The following EYS variants were observed in gnomAD, a reference collection of about 807,000 sequenced individuals.
EYS encodes the protein EGF-like photoreceptor maintenance factor, also known as protein eyes shut homolog.
In EYS, 250 loss-of-function variants were observed where a neutral mutation model predicts 282.1. The observed-to-expected ratio is 0.89, with a 90% CI of 0.80 to 0.98. The LOEUF is 0.98. EYS is among the 50% of genes least tolerant of loss of function. EYS has a pLI of 0.00. For missense variants in EYS, 4,016 were observed against 3,709.0 expected (o/e 1.08, Z -2.15); for synonymous variants, 1,355 against 1,282.9 (o/e 1.06, Z -1.20).
chr6:65,112,056 G>A (rs758156657), intron 12 of EYS, among the ~76,000 whole-genome samples: 27 of 152,016 alleles, frequency 1.8e-4, no homozygotes, highest in Non-Finnish European at 3.4e-4. Context: ...CTTGCCAAAC[G>A]CAGGCCCAGA....
chr6:65,269,356 A>T (rs1419287182), intron 12 of EYS, among the ~76,000 whole-genome samples: 2 of 152,172 alleles, frequency 1.3e-5, no homozygotes, highest in Non-Finnish European at 2.9e-5. Flanking sequence ...TGGATTTAAA[A>T]GGGAGCAACC....
intron 8 of EYS, among the ~76,000 whole-genome samples, chr6:65,382,445 G>A (rs968126451): frequency 8.2e-6 from 1 of 121,304 alleles, no homozygotes; most frequent in Non-Finnish European, 1.8e-5. Flanking sequence ...TATCTTTGAA[G>A]TCTCCTTTCC....
intron 30 of EYS, among the ~76,000 whole-genome samples, chr6:64,245,345 G>A (rs1766978404): frequency 7.6e-6 from 1 of 132,054 alleles, no homozygotes; most frequent in South Asian, 2.4e-4. Context: ...TTTGTTTTTT[G>A]GCAGCATCTT....
intron 12 of EYS, among the ~76,000 whole-genome samples, chr6:65,266,221 T>A (rs1431847325): frequency 6.6e-6 from 1 of 151,918 alleles, no homozygotes; most frequent in Non-Finnish European, 1.5e-5. Flanking sequence ...TCATTCTAGT[T>A]ATTGCAACAC....
intron 26 of EYS, among the ~76,000 whole-genome samples, chr6:64,527,857 C>A (rs1777972921): frequency 6.6e-6 from 1 of 151,356 alleles, no homozygotes; most frequent in Non-Finnish European, 1.5e-5. Context: ...AATGTAAAGA[C>A]AAGGGAAAAA....
intron 26 of EYS, among the ~76,000 whole-genome samples, chr6:64,546,851 A>G (rs1424711466): frequency 6.6e-6 from 1 of 152,188 alleles, no homozygotes; most frequent in African/African-American, 2.4e-5. Context: ...TAGAATGGCG[A>G]TCATTAAAAA....
At chr6:64,079,412 A>T (rs1771883931) in intron 32 of EYS, among the ~76,000 whole-genome samples, 2 of 152,086 alleles carry the variant, frequency 1.3e-5, no homozygotes, top group Non-Finnish European at 2.9e-5. Context: ...TGCTTCTTTT[A>T]GGCATTTTAC....
At chr6:64,082,628 T>G (rs1358265119) in intron 31 of EYS, among the ~76,000 whole-genome samples, 1 of 152,196 alleles carries the variant, frequency 6.6e-6, no homozygotes, top group Non-Finnish European at 1.5e-5. Flanking sequence ...AGAGGAATTT[T>G]ATTAATGTTC....
chr6:65,644,374 G>A (rs1767382882), intron 1 of EYS, among the ~76,000 whole-genome samples: 1 of 152,104 alleles, frequency 6.6e-6, no homozygotes, highest in South Asian at 2.1e-4. Context: ...AGACAAAAAA[G>A]TAATAAATAA....
chr6:64,436,164 A>G lies in EYS; in HGVS notation c.5927+10T>C, dbSNP rs778163566. 2.3e-5 allele frequency: 33 copies of G among 1,442,982 alleles called. No individual in the cohort carries two copies. The African/African-American group carries it at 4.4e-4, about 19-fold the overall frequency. The allele number at this position is 1,442,982 out of a possible 1,614,324, so 89.4% of individuals were successfully genotyped here. ...AATGAGATTAACTGGAAAAGAAATA[A>G]TTATCTTACCTGATAAGCAGTGTAT... On this transcript the variant is annotated intron_variant, in intron 28 of 42. Transcript: ENST00000503581.
intron 1 of EYS, among the ~76,000 whole-genome samples, chr6:65,680,299 T>C (rs1029638015): frequency 3.4e-4 from 52 of 151,936 alleles, no homozygotes; most frequent in Admixed American, 3.4e-3. Flanking sequence ...CTTAACAATA[T>C]GAACTAGATT....
intron 26 of EYS, among the ~76,000 whole-genome samples, chr6:64,555,560 A>G (rs1765210304): frequency 6.6e-6 from 1 of 151,988 alleles, no homozygotes; most frequent in Non-Finnish European, 1.5e-5. Context: ...CCATTCCACA[A>G]TGTAGAAATA....
At chr6:65,350,237 AGAACAATATACT>A (rs1770547859) in intron 9 of EYS, among the ~76,000 whole-genome samples, 1 of 151,538 alleles carries the variant, frequency 6.6e-6, no homozygotes, top group Admixed American at 6.6e-5. Flanking sequence ...ACTTGAAGGT[AGAACAATATACT>A]AAGAAAAATA....
chr6:64,449,227 A>G (rs113783671), intron 26 of EYS, among the ~76,000 whole-genome samples: 55,968 of 151,860 alleles, frequency 0.37, 11,039 homozygotes, highest in African/African-American at 0.52. Flanking sequence ...CTCAGTAACC[A>G]ATGCAATCAA....
intron 30 of EYS, among the ~76,000 whole-genome samples, chr6:64,257,558 G>A (rs1271611592): frequency 1.1e-4 from 16 of 151,902 alleles, no homozygotes; most frequent in Non-Finnish European, 2.9e-5. Flanking sequence ...TATAAAGGCA[G>A]GGCCTATGAC....
At chr6:65,268,806 T>A (rs1322704218) in intron 12 of EYS, among the ~76,000 whole-genome samples, 2 of 74,606 alleles carry the variant, frequency 2.7e-5, no homozygotes, top group Admixed American at 1.6e-4. Context: ...TCAACATAAG[T>A]TTTTTTTTAA....
chr6:65,307,533 T>A (rs1490133104), intron 11 of EYS, among the ~76,000 whole-genome samples: 2 of 145,680 alleles, frequency 1.4e-5, no homozygotes, highest in Admixed American at 7.1e-5. Flanking sequence ...TTCTATCACA[T>A]TGAGAAGTGA....
chr6:64,201,252 CCAG>C (rs989930372), intron 31 of EYS, among the ~76,000 whole-genome samples: 3 of 151,598 alleles, frequency 2.0e-5, no homozygotes, highest in African/African-American at 7.3e-5. Context: ...CCTTTTAATC[CCAG>C]TATAATTAGA....
chr6:64,054,834 G>A (rs1770928455), intron 33 of EYS, among the ~76,000 whole-genome samples: 1 of 152,092 alleles, frequency 6.6e-6, no homozygotes, highest in Non-Finnish European at 1.5e-5. Context: ...ATTTCATGGT[G>A]GCTGTCACAT....
Sources: allele counts gnomAD v4.1 joint callset (sites outside exome capture counted in the v4.1 genomes callset), GRCh38; gene constraint gnomAD v4.1.1; transcripts MANE v1.5; gene names NCBI Gene and HGNC (gene_info 2026-07-23, HGNC 2026-07-21).